AVEN: variants seen among roughly 807,000 people sequenced by gnomAD.
AVEN encodes the protein cell death regulator Aven.
In AVEN, 41 loss-of-function variants were observed where a neutral mutation model predicts 38.1. That is an observed-to-expected ratio of 1.08 (90% CI 0.84 to 1.40). The LOEUF is 1.40. Among genes scored for constraint, AVEN ranks in the 40% most tolerant of loss-of-function variants. The pLI, the probability that AVEN is intolerant of heterozygous loss-of-function variation, is 0.00. For synonymous variants in AVEN, 206 were observed against 171.8 expected (o/e 1.20, Z -1.56); for missense variants, 605 against 438.8 (o/e 1.38, Z -3.38).
chr15:34,060,193 A>C (rs567717013), intron 5 of AVEN, among the ~76,000 whole-genome samples: 1 of 152,288 alleles, frequency 6.6e-6, no homozygotes, highest in South Asian at 2.1e-4. Context: ...AACTTGAAGA[A>C]TGTTGATAAC....
At chr15:33,947,156 G>A (rs915902651) in intron 2 of AVEN, among the ~76,000 whole-genome samples, 5 of 152,088 alleles carry the variant, frequency 3.3e-5, no homozygotes, top group African/African-American at 7.2e-5. Flanking sequence ...AAAGTCAAGC[G>A]CAAGACTCCA....
Position 33,867,744 on chromosome 15 carries a change from A to C in AVEN, c.724T>G (p.Phe242Val), listed in dbSNP as rs1890710299. 3 of 1,614,172 alleles carry C rather than the reference A, an allele frequency of 1.9e-6. No individual in the cohort carries two copies. The East Asian group carries it at 6.7e-5, about 36-fold the overall frequency. The change falls in exon 5 of 6, where the codon TTT (phenylalanine) becomes GTT (valine). Residue 242 changes from phenylalanine (F) to valine (V), a missense_variant. Transcript: ENST00000306730. ...CCAGCAGCCACAGATTTCAGCTCAAAGATGGGCCCCCTTCCTCCAGGCCCC... is the reference window on the plus strand; with the variant it reads ...CCAGCAGCCACAGATTTCAGCTCAACGATGGGCCCCCTTCCTCCAGGCCCC... ...PLGPGGRGPI[F>V]ELKSVAAGCP...
At chr15:34,010,381 C>T (rs1567465077) in intron 1 of AVEN, among the ~76,000 whole-genome samples, 1 of 152,118 alleles carries the variant, frequency 6.6e-6, no homozygotes, top group Non-Finnish European at 1.5e-5. Flanking sequence ...ATCTCTATCA[C>T]CAAGAGCCTT....
chr15:33,871,129 G>C, intron 3 of AVEN, 99 bp from the exon 4 acceptor site: 1 of 757,080 alleles, frequency 1.3e-6, no homozygotes, highest in Non-Finnish European at 1.9e-6. Context: ...AGTTACATTT[G>C]GCTAGGAATA....
At chr15:33,992,109 G>A (rs478125) in intron 2 of AVEN, 82,196 of 152,148 alleles carry the variant, frequency 0.54, 23,454 homozygotes, top group Non-Finnish European at 0.65. Flanking sequence ...AAATCAGGCC[G>A]GGCGCGATGG....
intron 1 of AVEN, among the ~76,000 whole-genome samples, chr15:34,008,729 C>G (rs1291654716): frequency 2.0e-5 from 3 of 152,108 alleles, no homozygotes; most frequent in South Asian, 2.1e-4. Context: ...ACCTCGTGAT[C>G]TGCCCGCTTC....
chr15:33,940,807 T>G (rs1223530390), intron 2 of AVEN, among the ~76,000 whole-genome samples: 1 of 152,184 alleles, frequency 6.6e-6, no homozygotes, highest in Non-Finnish European at 1.5e-5. Flanking sequence ...CCCAAAGTGC[T>G]GGGATTACAG....
chr15:33,870,249 C>T (rs144260810), intron 4 of AVEN, among the ~76,000 whole-genome samples: 27 of 152,284 alleles, frequency 1.8e-4, no homozygotes, highest in African/African-American at 6.5e-4. Flanking sequence ...ACAACAGCCT[C>T]CCCATGTGCC....
chr15:33,925,192 C>T (rs1829555437), intron 2 of AVEN, among the ~76,000 whole-genome samples: 1 of 152,116 alleles, frequency 6.6e-6, no homozygotes, highest in Non-Finnish European at 1.5e-5. Context: ...CTATGATTCC[C>T]TAAAGCAATT....
intron 2 of AVEN, among the ~76,000 whole-genome samples, chr15:33,904,710 T>TACACAC (rs1369829949): frequency 3.3e-5 from 4 of 121,092 alleles, no homozygotes; most frequent in African/African-American, 1.0e-4. Flanking sequence ...TATATATATA[T>TACACAC]ATATATACAC....
At chr15:33,986,608 C>A (rs1896481506) in intron 2 of AVEN, among the ~76,000 whole-genome samples, 1 of 152,000 alleles carries the variant, frequency 6.6e-6, no homozygotes, top group South Asian at 2.1e-4. Flanking sequence ...CCTTCATGTG[C>A]AATACACAGG....
At chr15:33,918,863 G>A (rs899348755) in intron 2 of AVEN, among the ~76,000 whole-genome samples, 2 of 151,564 alleles carry the variant, frequency 1.3e-5, no homozygotes, top group African/African-American at 4.8e-5. Flanking sequence ...TTTAAGGAGA[G>A]GTTAATGCTA....
At chr15:34,028,248 A>C (rs1898593396) in intron 1 of AVEN, among the ~76,000 whole-genome samples, 1 of 152,204 alleles carries the variant, frequency 6.6e-6, no homozygotes, top group African/African-American at 2.4e-5. Flanking sequence ...ATGAGTATAT[A>C]GTTTGCATCT....
rs1288129162 is a variant in AVEN at position 33,932,715 on chromosome 15, C to T, written c.446-56720G>A. 2.0e-5 allele frequency among the ~76,000 whole-genome samples: 3 copies of T among 152,158 alleles called. No homozygotes were observed. The South Asian group carries it at 6.2e-4, about 32-fold the overall frequency. ...TGGCCGGCGCCTGTAATCCCAGCTA[C>T]TCAGGAGGCTGAGGCAGGAGAATTG... is the stretch of plus-strand genomic sequence containing the variant. On this transcript the variant is annotated intron_variant, in intron 2 of 5. Coordinates refer to ENST00000306730, the MANE Select transcript of AVEN (RefSeq NM_020371.3).
chr15:33,871,667 ATCTCT>A (rs751991860), intron 3 of AVEN, among the ~76,000 whole-genome samples: 22 of 151,848 alleles, frequency 1.4e-4, no homozygotes, highest in Non-Finnish European at 2.5e-4. Flanking sequence ...ATCTAACCTG[ATCTCT>A]TCTCTAAATT....
chr15:34,040,719 G>C (rs1353374309), upstream of AVEN, among the ~76,000 whole-genome samples: 3 of 151,898 alleles, frequency 2.0e-5, no homozygotes, highest in Non-Finnish European at 4.4e-5. Flanking sequence ...CCTGAGACAT[G>C]AGTTCAAGAT....
exon 4 of AVEN, chr15:34,066,104 A>G (rs1222898703): frequency 6.6e-6 from 1 of 152,264 alleles, no homozygotes; most frequent in Non-Finnish European, 1.5e-5. Flanking sequence ...TCACGTTGAC[A>G]TGAAACATCT....
In AVEN at chr15:33,873,035, C is replaced by T. The variant is rs142074538; in HGVS notation, c.517-2005G>A. Reference sequence around the variant, plus strand: ...CCTTGAGGATTTTGGACATGTCTCCCTATCAAACTCCCACTCCCTTTAACT... The same window carrying T: ...CCTTGAGGATTTTGGACATGTCTCCTTATCAAACTCCCACTCCCTTTAACT... On this transcript the variant is annotated intron_variant, in intron 3 of 5. Coordinates refer to ENST00000306730, the MANE Select transcript of AVEN (RefSeq NM_020371.3). Among the ~76,000 whole-genome samples, 76 of 151,570 alleles carry T rather than the reference C, an allele frequency of 5.0e-4. No homozygotes were observed. The East Asian group carries it at 0.01, about 21-fold the overall frequency.
At chr15:33,916,607 T>C (rs1893146729) in intron 2 of AVEN, among the ~76,000 whole-genome samples, 1 of 151,990 alleles carries the variant, frequency 6.6e-6, no homozygotes, top group Non-Finnish European at 1.5e-5. Context: ...TCACTAATGA[T>C]CAGGGAAATG....
Sources: allele counts gnomAD v4.1 joint callset (sites outside exome capture counted in the v4.1 genomes callset), GRCh38; gene constraint gnomAD v4.1.1; transcripts MANE v1.5; gene names NCBI Gene and HGNC (gene_info 2026-07-23, HGNC 2026-07-21).